Variants in HS1BP3 observed in about 807,000 individuals in gnomAD.
HS1BP3 encodes HCLS1 binding protein 3, also known as HCLS1-binding protein 3.
Under a neutral mutation model 33.5 loss-of-function variants are expected in HS1BP3, and 32 were observed. The ratio of observed to expected loss-of-function variants is 0.95; its 90% CI spans 0.72 to 1.28. The LOEUF is 1.28. Ranked by LOEUF, HS1BP3 falls within the 50% of genes most tolerant of loss-of-function variation. HS1BP3 has a pLI of 0.00. For missense variants in HS1BP3, 486 were observed against 502.3 expected, an observed-to-expected ratio of 0.97 and a Z score of 0.31; for synonymous variants, 187 against 209.2, an observed-to-expected ratio of 0.89 and a Z score of 0.92.
downstream of HS1BP3, among the ~76,000 whole-genome samples, chr2:20,558,446 T>C (rs968330008): frequency 6.6e-6 from 1 of 152,152 alleles, no homozygotes; most frequent in Non-Finnish European, 1.5e-5. Flanking sequence ...ATCTTTGAGG[T>C]CAGTGGGGTA....
Position 20,619,122 on chromosome 2 carries a change from G to C in HS1BP3, c.1044C>G (p.Pro348=), listed in dbSNP as rs139786951. ...PVIPRKPAVP[P]KAGPAEAVAG... is the part of the protein sequence containing the mutation. ...CCACAGCTTCAGCCGGGCCCGCTTTGGGGGGAACAGCTGGTTTTCTGGGTA... is the reference window on the plus strand; with the variant it reads ...CCACAGCTTCAGCCGGGCCCGCTTTCGGGGGAACAGCTGGTTTTCTGGGTA... The change falls in exon 7 of 7, where the codon CCC becomes CCG. Residue 348 remains proline, a synonymous_variant. Coordinates refer to ENST00000304031, the MANE Select transcript of HS1BP3 (RefSeq NM_022460.4). The C allele has an allele frequency of 1.2e-6, 2 of 1,614,200 alleles. No individual in the cohort carries two copies. The highest frequency in any genetic ancestry group is 1.7e-6 in the Non-Finnish European group (2 of 1,180,006).
chr2:20,633,900 G>A (rs1460852088), intron 4 of HS1BP3, among the ~76,000 whole-genome samples: 5 of 152,264 alleles, frequency 3.3e-5, no homozygotes, highest in African/African-American at 1.2e-4. Flanking sequence ...CCTGGGTGGA[G>A]TGCCGCCTGC....
chr2:20,639,163 G>A (rs911920068), intron 3 of HS1BP3, among the ~76,000 whole-genome samples: 6 of 152,238 alleles, frequency 3.9e-5, no homozygotes, highest in African/African-American at 1.2e-4. Flanking sequence ...GACTGGATGG[G>A]TGCCCAGGGT....
intron 5 of HS1BP3, among the ~76,000 whole-genome samples, chr2:20,561,558 CAT>C (rs1406700571): frequency 1.3e-5 from 2 of 152,144 alleles, no homozygotes; most frequent in African/African-American, 2.4e-5. Flanking sequence ...CCTGCACACA[CAT>C]ACACACACAC....
chr2:20,574,779 T>C (rs1693359992), intron 5 of HS1BP3, among the ~76,000 whole-genome samples: 1 of 152,194 alleles, frequency 6.6e-6, no homozygotes, highest in Non-Finnish European at 1.5e-5. Context: ...ATCTGCTGTG[T>C]CCACATTGGG....
intron 2 of HS1BP3, among the ~76,000 whole-genome samples, chr2:20,642,379 C>T (rs760742608): frequency 1.8e-4 from 27 of 152,202 alleles, no homozygotes; most frequent in Admixed American, 4.6e-4. Flanking sequence ...ATTTCAGAAC[C>T]TCCAGTGGGG....
intron 5 of HS1BP3, among the ~76,000 whole-genome samples, chr2:20,576,782 G>T (rs1693411080): frequency 6.6e-6 from 1 of 152,226 alleles, no homozygotes; most frequent in Non-Finnish European, 1.5e-5. Context: ...TATTTCTTGG[G>T]TCTTGCCTGC....
chr2:20,573,053 G>A (rs1215832540), intron 5 of HS1BP3, among the ~76,000 whole-genome samples: 2 of 152,212 alleles, frequency 1.3e-5, no homozygotes, highest in Non-Finnish European at 2.9e-5. Context: ...CCTAGAATCT[G>A]TAAATGTCAC....
rs1381295090 is a variant in HS1BP3, at chr2:20,579,519, G to A, written c.303-19004C>T. Reference sequence around the variant, plus strand: ...GCATTGGAGACTTCCGGCCCTCAGAGAAACCAGACACAGAGAGCCATTGTT... The same window carrying A: ...GCATTGGAGACTTCCGGCCCTCAGAAAAACCAGACACAGAGAGCCATTGTT... On this transcript the variant is annotated intron_variant, in intron 5 of 5. Coordinates refer to the HS1BP3 transcript ENST00000446825. Among the ~76,000 whole-genome samples the A allele has an allele frequency of 2.0e-5, 3 of 152,238 alleles. No individual in the cohort carries two copies. In the East Asian group the frequency reaches 5.8e-4, roughly 29 times the overall value.
intron 5 of HS1BP3, among the ~76,000 whole-genome samples, chr2:20,581,240 C>G (rs924442391): frequency 6.6e-6 from 1 of 152,210 alleles, no homozygotes; most frequent in African/African-American, 2.4e-5. Flanking sequence ...CATTCCGAAG[C>G]CTTCCATTTA....
At chr2:20,561,841 C>T (rs1025564769) in intron 5 of HS1BP3, among the ~76,000 whole-genome samples, 1 of 152,100 alleles carries the variant, frequency 6.6e-6, no homozygotes, top group Non-Finnish European at 1.5e-5. Flanking sequence ...GGGGCCCCTG[C>T]ATAGCTTCAG....
chr2:20,621,785 C>T (rs9306893), intron 6 of HS1BP3, among the ~76,000 whole-genome samples: 94,726 of 152,198 alleles, frequency 0.62, 29,957 homozygotes, highest in East Asian at 0.81. Flanking sequence ...GTGGTGTACA[C>T]GGGTGGTCAG....
downstream of HS1BP3, among the ~76,000 whole-genome samples, chr2:20,590,114 C>T (rs527368808): frequency 3.3e-5 from 5 of 152,090 alleles, no homozygotes; most frequent in Non-Finnish European, 5.9e-5. Context: ...AGTCACCCCG[C>T]CCTCCAGGCA....
At chr2:20,648,167 A>ATG (rs1695574696) in intron 1 of HS1BP3, among the ~76,000 whole-genome samples, 1 of 152,154 alleles carries the variant, frequency 6.6e-6, no homozygotes, top group Non-Finnish European at 1.5e-5. Flanking sequence ...TTACTGGCCC[A>ATG]CGCTTATTAG....
At chr2:20,623,111 T>C (rs531432856) in intron 6 of HS1BP3, 1 of 152,096 alleles carries the variant, frequency 6.6e-6, no homozygotes, top group African/African-American at 2.4e-5. Flanking sequence ...GCTGAGAATG[T>C]GGCCAGTGGA....
At chr2:20,626,388 C>T (rs1174964908) in intron 4 of HS1BP3, among the ~76,000 whole-genome samples, 2 of 152,200 alleles carry the variant, frequency 1.3e-5, no homozygotes, top group African/African-American at 2.4e-5. Flanking sequence ...CTGCAGGGCT[C>T]GTTTGTTGGA....
chr2:20,576,196 G>A (rs965657390), intron 5 of HS1BP3, among the ~76,000 whole-genome samples: 1 of 152,148 alleles, frequency 6.6e-6, no homozygotes, highest in Non-Finnish European at 1.5e-5. Flanking sequence ...GTCCAGGCTG[G>A]TCCTGAACTC....
intron 4 of HS1BP3, among the ~76,000 whole-genome samples, chr2:20,630,971 G>C (rs1694949298): frequency 6.6e-6 from 1 of 152,182 alleles, no homozygotes; most frequent in African/African-American, 2.4e-5. Flanking sequence ...GAGCAGCAGA[G>C]GGGGATGTAG....
At chr2:20,554,565 C>T in the HS1BP3 span, among the ~76,000 whole-genome samples, 3 of 152,080 alleles carry the variant, frequency 2.0e-5, no homozygotes, top group Non-Finnish European at 4.4e-5. Context: ...TCTACTAAAA[C>T]TATAAAAATT....
Sources: allele counts gnomAD v4.1 joint callset (sites outside exome capture counted in the v4.1 genomes callset), GRCh38; gene constraint gnomAD v4.1.1; transcripts MANE v1.5; gene names NCBI Gene and HGNC (gene_info 2026-07-23, HGNC 2026-07-21).